The following CLTC variants were observed in gnomAD, a reference collection of about 807,000 sequenced individuals.
CLTC encodes clathrin heavy chain 1.
In CLTC, 16 loss-of-function variants were observed where a neutral mutation model predicts 195.8. The ratio of observed to expected loss-of-function variants is 0.08; its 90% CI spans 0.06 to 0.12. The LOEUF (loss-of-function observed/expected upper bound fraction) is 0.12, where lower values mean the gene tolerates loss of function less well. Ranked by LOEUF, CLTC falls within the 10% of genes least tolerant of loss-of-function variation. CLTC has a pLI of 1.00. For missense variants in CLTC, 796 were observed against 2,027.0 expected (o/e 0.39, Z 11.66); for synonymous variants, 667 against 689.4 (o/e 0.97, Z 0.51).
intron 30 of CLTC, chr17:59,689,538 C>T (rs554692506): frequency 6.6e-6 from 1 of 152,118 alleles, no homozygotes; most frequent in East Asian, 1.9e-4. Flanking sequence ...ACATTTATGA[C>T]ATTGAAAACC....
intron 1 of CLTC, among the ~76,000 whole-genome samples, chr17:59,630,982 C>T (rs976384454): frequency 1.3e-5 from 2 of 152,180 alleles, no homozygotes; most frequent in African/African-American, 4.8e-5. Flanking sequence ...ACCACGAAAC[C>T]GTTTTCCACA....
At chr17:59,654,228 T>G (rs181420081) in intron 5 of CLTC, among the ~76,000 whole-genome samples, 8 of 152,078 alleles carry the variant, frequency 5.3e-5, no homozygotes, top group Non-Finnish European at 8.8e-5. Context: ...CAGGCTGGAG[T>G]GCAGTGGCGC....
At chr17:59,650,705 C>T (rs2032308563) in intron 4 of CLTC, among the ~76,000 whole-genome samples, 1 of 152,098 alleles carries the variant, frequency 6.6e-6, no homozygotes, top group Non-Finnish European at 1.5e-5. Context: ...CCCCTGTGTT[C>T]TTTACCCAGT....
intron 1 of CLTC, among the ~76,000 whole-genome samples, chr17:59,626,532 A>T (rs2031558404): frequency 6.6e-6 from 1 of 152,180 alleles, no homozygotes; most frequent in African/African-American, 2.4e-5. Context: ...TATGTGTTGT[A>T]TGTGTCCTTT....
intron 30 of CLTC, among the ~76,000 whole-genome samples, chr17:59,688,825 G>A (rs2033237795): frequency 6.6e-6 from 1 of 152,184 alleles, no homozygotes; most frequent in Non-Finnish European, 1.5e-5. Flanking sequence ...GTATTATGCA[G>A]TGGTGGCTTT....
chr17:59,655,760 AT>A, intron 5 of CLTC, 93 bp from the exon 6 acceptor site: 1 of 1,044,376 alleles, frequency 9.6e-7, no homozygotes, highest in Non-Finnish European at 1.3e-6. Context: ...TTGTTCTGGA[AT>A]TTTACCATCT....
chr17:59,692,653 C>T (rs1303205849), intron 31 of CLTC, among the ~76,000 whole-genome samples: 1 of 151,418 alleles, frequency 6.6e-6, no homozygotes, highest in African/African-American at 2.4e-5. Context: ...TTTTTTTTCC[C>T]CCAAGATGGG....
chr17:59,690,119 T>G (rs1281986936), intron 30 of CLTC: 2 of 152,300 alleles, frequency 1.3e-5, no homozygotes, highest in African/African-American at 4.8e-5. Context: ...AGATTGAATA[T>G]GGAGCCACTT....
At position 59,648,086 on chromosome 17, in the gene CLTC, TAAG is replaced by T. The variant is rs780592077; in HGVS notation, c.520-150_520-148del. Among the ~76,000 whole-genome samples, 21 of 152,242 alleles carry T rather than the reference TAAG, an allele frequency of 1.4e-4. No individual in the cohort carries two copies. The highest frequency in any genetic ancestry group is 6.2e-4 in the South Asian group (3 of 4,838). On this transcript the variant is annotated intron_variant, in intron 3 of 31. Coordinates refer to ENST00000269122, the MANE Select transcript of CLTC (RefSeq NM_004859.4). This position sits in a 1 kb window ranked among gnomAD's most constrained non-coding sequence, Gnocchi z 4.5. ...ATAATGTTTGGGGCTGATTTTAAGTTAAGAAGTATCAAATCTACAGTGAGAGAT... is the reference window on the plus strand; with the variant it reads ...ATAATGTTTGGGGCTGATTTTAAGTTAAGTATCAAATCTACAGTGAGAGAT...
chr17:59,686,588 T>G (rs925188684), intron 30 of CLTC, among the ~76,000 whole-genome samples: 22 of 152,214 alleles, frequency 1.4e-4, no homozygotes, highest in African/African-American at 5.1e-4. Flanking sequence ...AGGATACCAT[T>G]TAATTAGATA....
In CLTC at chr17:59,682,843, CATT is replaced by C. The variant is rs764569469; in HGVS notation, c.3765+52_3765+54del. The C allele has an allele frequency of 1.6e-5, 26 of 1,610,948 alleles. No individual in the cohort carries two copies. The highest frequency in any genetic ancestry group is 2.1e-5 in the Non-Finnish European group (25 of 1,178,124). Reference sequence around the variant, plus strand: ...AAGAATTAAAGAAACGCTATTTAAACATTAGTTTAAATAACTAGCCATGTTTTA... The same window carrying C: ...AAGAATTAAAGAAACGCTATTTAAACAGTTTAAATAACTAGCCATGTTTTA... On this transcript the variant is annotated intron_variant, in intron 23 of 31. Coordinates refer to ENST00000269122, the MANE Select transcript of CLTC (RefSeq NM_004859.4). This position sits in a 1 kb window ranked among gnomAD's most constrained non-coding sequence, Gnocchi z 6.8.
chr17:59,672,040 G>C (rs935635770), intron 14 of CLTC, among the ~76,000 whole-genome samples: 3 of 152,054 alleles, frequency 2.0e-5, no homozygotes, highest in Non-Finnish European at 4.4e-5. Flanking sequence ...CTGATACTTG[G>C]GTACTCATAA....
intron 15 of CLTC, among the ~76,000 whole-genome samples, 195 bp downstream of exon 15, chr17:59,673,967 C>A (rs2032910245): frequency 6.6e-6 from 1 of 152,076 alleles, no homozygotes; most frequent in South Asian, 2.1e-4. Context: ...GGCACAATCA[C>A]AGCTCACTCT....
chr17:59,644,412 A>C lies in CLTC; in HGVS notation c.179A>C (p.Asn60Thr). ...VVIIDMNDPS[N>T]PIRRPISADS... The stretch of plus-strand genomic sequence containing the variant: ...ATCATTGATATGAATGACCCAAGTA[A>C]TCCAATTCGAAGACCAATTTCAGCA... The change falls in exon 2 of 32, where the codon AAT becomes ACT. Residue 60 changes from asparagine (N) to threonine (T), a missense_variant. Coordinates refer to ENST00000269122, the MANE Select transcript of CLTC (RefSeq NM_004859.4). The C allele has an allele frequency of 6.2e-7, 1 of 1,614,184 alleles. No homozygotes were observed. The highest frequency in any genetic ancestry group is 2.2e-5 in the East Asian group (1 of 44,882).
At chr17:59,621,661 A>G (rs1297746913) in intron 1 of CLTC, among the ~76,000 whole-genome samples, 2 of 152,248 alleles carry the variant, frequency 1.3e-5, no homozygotes, top group Non-Finnish European at 2.9e-5. Context: ...TCAGTCATCT[A>G]TAATTTTCAA....
rs1210116750 is a variant in CLTC at position 59,681,622 on chromosome 17, C to G, written c.3250-25C>G. On this transcript the variant is annotated intron_variant, in intron 20 of 31. Transcript: ENST00000269122. The surrounding 1 kb of genome is among the most constrained non-coding windows in gnomAD (Gnocchi z 5.0). ...TGGGTAGGATTGATTTTACTCTAAC[C>G]CTAATTTCAAACTTGGATACTTAGG... 1.3e-6 allele frequency: 2 copies of G among 1,597,034 alleles called. No homozygotes were observed. Among genetic ancestry groups the G allele is most frequent in the Non-Finnish European group, 1.7e-6 (2 of 1,169,236 alleles).
intron 6 of CLTC, 100 bp from the exon 7 acceptor site, chr17:59,660,291 A>T: frequency 1.0e-6 from 1 of 996,664 alleles, no homozygotes; most frequent in South Asian, 1.6e-5. Context: ...TCACAATTTC[A>T]TTACCTTTGT....
In CLTC at chr17:59,693,733, C is replaced by A; in HGVS notation, c.4909C>A (p.Pro1637Thr). ...TTTGTTTTCTTCTACTGTAGGTCAGCCCCAGTTGATGCTGACAGCAGGACC... is the reference window on the plus strand; with the variant it reads ...TTTGTTTTCTTCTACTGTAGGTCAGACCCAGTTGATGCTGACAGCAGGACC... ...TETQPIVYGQ[P>T]QLMLTAGPSV... is the part of the protein sequence containing the mutation. Residue 1637 changes from proline to threonine, a missense_variant, in exon 32 of 32, where the codon CCC becomes ACC. Coordinates refer to ENST00000269122, the MANE Select transcript of CLTC (RefSeq NM_004859.4). 1 of 1,612,808 alleles carries A rather than the reference C, an allele frequency of 6.2e-7. No individual in the cohort carries two copies. Among genetic ancestry groups the A allele is most frequent in the African/African-American group, 1.3e-5 (1 of 74,968 alleles).
At chr17:59,665,728 C>G (rs2032714714) in intron 10 of CLTC, among the ~76,000 whole-genome samples, 1 of 152,066 alleles carries the variant, frequency 6.6e-6, no homozygotes, top group African/African-American at 2.4e-5. Context: ...GTAATCCCAG[C>G]TACTCAGGAG....
Sources: gnomAD v4.1 joint callset for allele counts (sites outside exome capture counted in the v4.1 genomes callset) on GRCh38, gnomAD v4.1.1 for gene constraint, Gnocchi (gnomAD v3.1) non-coding constraint, MANE v1.5 for transcripts, NCBI Gene and HGNC (gene_info 2026-07-23, HGNC 2026-07-21) for gene names.